Variants in BANP observed in about 807,000 individuals in gnomAD.
BANP encodes the protein protein BANP.
BANP carries 11 observed loss-of-function variants against 68.1 expected under a neutral mutation model. The observed-to-expected ratio is 0.16, with a 90% confidence interval of 0.10 to 0.27. The LOEUF is 0.27. BANP is among the 10% of genes least tolerant of loss of function. BANP has a pLI of 1.00. For missense variants in BANP, 504 were observed against 722.7 expected, an observed-to-expected ratio of 0.70 and a Z score of 3.47; for synonymous variants, 329 against 303.2, an observed-to-expected ratio of 1.09 and a Z score of -0.88.
chr16:88,074,311 G>C (rs1218289719), intron 13 of BANP, among the ~76,000 whole-genome samples: 3 of 152,206 alleles, frequency 2.0e-5, no homozygotes, highest in Admixed American at 6.5e-5. Flanking sequence ...GCTCAGCTGT[G>C]AGGGCCTGGC....
chr16:87,973,129 G>A (rs2061416236), intron 1 of BANP, among the ~76,000 whole-genome samples: 1 of 152,066 alleles, frequency 6.6e-6, no homozygotes, highest in Non-Finnish European at 1.5e-5. Context: ...AGGTCTGTGT[G>A]TCTGTATGGG....
chr16:88,026,816 G>A (rs948279298), intron 7 of BANP, among the ~76,000 whole-genome samples: 1 of 152,256 alleles, frequency 6.6e-6, no homozygotes. Context: ...TTTGCGAGGG[G>A]AACAGTAACA....
intron 9 of BANP, among the ~76,000 whole-genome samples, chr16:88,034,063 T>G (rs895651671): frequency 1.3e-5 from 2 of 152,134 alleles, no homozygotes; most frequent in Non-Finnish European, 2.9e-5. Flanking sequence ...GGAAACATGG[T>G]CCTCCACTAT....
rs10660621 is a variant in BANP, at chr16:87,962,239, C to CAAAAAAAAAAAA, written c.-69+10730_-69+10741dup. ...TGGGCTACAGAGCGAGACTTGGTCT[C>CAAAAAAAAAAAA]AAAAAAAAAAAAAAAAAGAAAGCAC... On this transcript the variant is annotated intron_variant, in intron 1 of 13. Transcript: ENST00000682872. 3.0e-4 allele frequency among the ~76,000 whole-genome samples: 24 copies of CAAAAAAAAAAAA among 79,748 alleles called. 2 individuals carry two copies. The highest frequency in any genetic ancestry group is 4.1e-4 in the Non-Finnish European group (18 of 43,498). The allele number at this position is 79,748 out of a possible 152,430, so 52.3% of individuals were successfully genotyped here.
At chr16:88,039,404 A>C (rs1166860485) in intron 11 of BANP, among the ~76,000 whole-genome samples, 1 of 143,968 alleles carries the variant, frequency 6.9e-6, no homozygotes, top group African/African-American at 2.4e-5. Context: ...GACAGGGCTC[A>C]TAGCTGGCGG....
chr16:88,024,494 C>G (rs549125870), intron 7 of BANP, among the ~76,000 whole-genome samples: 5 of 152,342 alleles, frequency 3.3e-5, no homozygotes, highest in African/African-American at 1.2e-4. Context: ...TAGGATTTTT[C>G]CCGCTCCCTG....
intron 1 of BANP, among the ~76,000 whole-genome samples, chr16:87,960,232 G>A (rs753319898): frequency 6.6e-6 from 1 of 152,208 alleles, no homozygotes; most frequent in African/African-American, 2.4e-5. Context: ...AGGTGCCCAC[G>A]CAGTCAGGAG....
At position 87,984,049 on chromosome 16, in the gene BANP, T is replaced by C. The variant is rs144437012; in HGVS notation, c.163-11T>C. ...AGACCCTTCCTAAAGCCGGTCTTTT[T>C]TCACTTCCAGTCATTCCTGTATTCC... is the stretch of plus-strand genomic sequence containing the variant. On this transcript the variant is annotated splice_polypyrimidine_tract_variant and intron_variant, in intron 3 of 13. Coordinates refer to ENST00000682872, the MANE Select transcript of BANP (RefSeq NM_001386991.1). 2.5e-3 allele frequency: 3,988 copies of C among 1,611,986 alleles called. 138 individuals carry two copies. In the African/African-American group the frequency reaches 0.05, roughly 20 times the overall value.
rs377697058 is a variant in BANP at position 88,036,320 on chromosome 16, C to T, written c.1272+926C>T. On this transcript the variant is annotated intron_variant, in intron 10 of 13. Coordinates refer to ENST00000682872, the MANE Select transcript of BANP (RefSeq NM_001386991.1). The surrounding 1 kb of genome is among the most constrained non-coding windows in gnomAD (Gnocchi z 4.2). ...CACCAGCAGCAGAGACTAGGAAGCC[C>T]GGGTGCTGAGGTCAAGGGGACTCAT... Among the ~76,000 whole-genome samples, 3 of 152,126 alleles carry T rather than the reference C, an allele frequency of 2.0e-5. No homozygotes were observed. Among genetic ancestry groups the T allele is most frequent in the African/African-American group, 4.8e-5 (2 of 41,416 alleles).
intron 4 of BANP, among the ~76,000 whole-genome samples, chr16:87,988,892 C>T (rs190778941): frequency 2.6e-5 from 4 of 152,176 alleles, no homozygotes; most frequent in African/African-American, 9.7e-5. Flanking sequence ...TCACTAAGGC[C>T]CCCTCTCTGT....
At chr16:88,034,422 G>T (rs1339070825) in intron 9 of BANP, among the ~76,000 whole-genome samples, 3 of 152,130 alleles carry the variant, frequency 2.0e-5, no homozygotes, top group Non-Finnish European at 4.4e-5. Context: ...TCATTTACAG[G>T]TTTATAGGAA....
At position 87,981,626 on chromosome 16, in the gene BANP, C is replaced by T. The variant is rs368115349; in HGVS notation, c.162+499C>T. Among the ~76,000 whole-genome samples the T allele has an allele frequency of 1.7e-4, 26 of 152,332 alleles. No individual in the cohort carries two copies. The East Asian group carries it at 3.5e-3, about 20-fold the overall frequency. On this transcript the variant is annotated intron_variant, in intron 3 of 13. Transcript: ENST00000682872. ...GATGTGGCTATATCACCAGGCAGCC[C>T]GCTACAGAAGAGTGTGAGCCATTTT...
intron 4 of BANP, among the ~76,000 whole-genome samples, chr16:87,994,453 T>G (rs564286364): frequency 1.6e-4 from 24 of 152,356 alleles, no homozygotes; most frequent in Admixed American, 1.2e-3. Context: ...AGAAGCTTCT[T>G]TCTTTGTTTA....
Position 88,071,800 on chromosome 16 carries a change from TC to T in BANP, c.1378-266del. 2 of 670,592 alleles carry T rather than the reference TC, an allele frequency of 3.0e-6. No homozygotes were observed. Among genetic ancestry groups the T allele is most frequent in the Non-Finnish European group, 5.5e-6 (2 of 364,382 alleles). The allele number at this position is 670,592 out of a possible 1,614,324, so 41.5% of individuals were successfully genotyped here. ...AAGCTCTGCCTTGCTTTTTTTTTTT[TC>T]CCTTTTTTCTGCTCTGTAGGTGCTT... On this transcript the variant is annotated intron_variant, in intron 12 of 13. Coordinates refer to ENST00000682872, the MANE Select transcript of BANP (RefSeq NM_001386991.1). The surrounding 1 kb of genome is among the most constrained non-coding windows in gnomAD (Gnocchi z 6.5).
intron 7 of BANP, among the ~76,000 whole-genome samples, chr16:88,026,783 A>G (rs190378675): frequency 2.0e-5 from 3 of 152,318 alleles, no homozygotes; most frequent in Admixed American, 6.5e-5. Context: ...GTAACAATAC[A>G]TACATGAATT....
At chr16:87,995,936 C>T (rs1332391133) in intron 4 of BANP, among the ~76,000 whole-genome samples, 3 of 152,230 alleles carry the variant, frequency 2.0e-5, no homozygotes, top group East Asian at 1.9e-4. Flanking sequence ...ACTTGCTGAG[C>T]GTTCAGTGCA....
intron 11 of BANP, among the ~76,000 whole-genome samples, chr16:88,051,424 G>A (rs992156510): frequency 6.6e-6 from 1 of 152,246 alleles, no homozygotes; most frequent in Non-Finnish European, 1.5e-5. Flanking sequence ...CATTGAGCTT[G>A]TAGAAAGTAT....
Position 88,076,640 on chromosome 16 carries a change from CG to C in BANP, c.1576del (p.Ala526ProfsTer46). On this transcript the variant is annotated frameshift_variant, in exon 14 of 14. Coordinates refer to ENST00000682872, the MANE Select transcript of BANP (RefSeq NM_001386991.1). LOFTEE classifies it high-confidence loss of function. Reference sequence around the variant, plus strand: ...TACAGCCGGAGATGCAGCTCGAGCACGGGGCCATCCAGATTCAGTGAGCGGT... The same window carrying C: ...TACAGCCGGAGATGCAGCTCGAGCACGGGCCATCCAGATTCAGTGAGCGGT... ...TLQPEMQLEH[G>X]AIQIQ 6.2e-7 allele frequency: 1 copy of C among 1,610,178 alleles called. No homozygotes were observed.
chr16:88,048,795 T>C (rs753630633), intron 11 of BANP, among the ~76,000 whole-genome samples: 1 of 152,086 alleles, frequency 6.6e-6, no homozygotes, highest in Non-Finnish European at 1.5e-5. Context: ...CGGTATGGAA[T>C]AGGAGCTCAC....
Sources: allele counts gnomAD v4.1 joint callset (sites outside exome capture counted in the v4.1 genomes callset), GRCh38; gene constraint gnomAD v4.1.1; non-coding constraint Gnocchi (gnomAD v3.1); transcripts MANE v1.5; gene names NCBI Gene and HGNC (gene_info 2026-07-23, HGNC 2026-07-21).